Variants in EXOC6B observed in about 807,000 individuals in gnomAD.
EXOC6B encodes exocyst complex component 6B.
In EXOC6B, 54 loss-of-function variants were observed where a neutral mutation model predicts 113.5. The observed-to-expected ratio is 0.48, with a 90% CI of 0.38 to 0.60. The LOEUF (loss-of-function observed/expected upper bound fraction) is 0.60, where lower values mean the gene tolerates loss of function less well. EXOC6B is among the 20% of genes least tolerant of loss of function. EXOC6B has a pLI of 0.00. For missense variants in EXOC6B, 797 were observed against 977.5 expected (o/e 0.82, Z 2.46); for synonymous variants, 357 against 339.0 (o/e 1.05, Z -0.58).
chr2:72,295,819 T>C (rs369423748), intron 20 of EXOC6B, among the ~76,000 whole-genome samples: 11 of 152,216 alleles, frequency 7.2e-5, no homozygotes, highest in Non-Finnish European at 1.6e-4. Flanking sequence ...ATATTTATTT[T>C]ATAACAGATT....
chr2:72,313,526 T>TA (rs1281890917), intron 20 of EXOC6B, among the ~76,000 whole-genome samples: 15 of 152,278 alleles, frequency 9.9e-5, no homozygotes, highest in African/African-American at 3.6e-4. Context: ...ATAAGAGATT[T>TA]TAGAAGGGTG....
intron 6 of EXOC6B, among the ~76,000 whole-genome samples, chr2:72,666,660 A>G (rs78952491): frequency 2.6e-5 from 4 of 152,172 alleles, no homozygotes; most frequent in African/African-American, 9.7e-5. Context: ...CCTGGAAGTG[A>G]TAAAGGACTT....
intron 20 of EXOC6B, among the ~76,000 whole-genome samples, chr2:72,295,744 T>C (rs769108143): frequency 6.6e-6 from 1 of 152,206 alleles, no homozygotes; most frequent in Non-Finnish European, 1.5e-5. Context: ...TGCTGAGTTC[T>C]TGAAGCATCT....
chr2:72,683,042 T>A (rs1014152969), intron 6 of EXOC6B, among the ~76,000 whole-genome samples: 1 of 152,234 alleles, frequency 6.6e-6, no homozygotes, highest in African/African-American at 2.4e-5. Flanking sequence ...ACAATCTTGT[T>A]ACCCAGGTAC....
chr2:72,187,279 G>A (rs1030593262), intron 20 of EXOC6B, among the ~76,000 whole-genome samples: 5 of 151,984 alleles, frequency 3.3e-5, no homozygotes, highest in African/African-American at 1.2e-4. Flanking sequence ...GCTCTACAAA[G>A]GGCTGCAGCT....
rs902961125 is a variant in EXOC6B, at chr2:72,720,147, A to G, written c.465-1840T>C. ...ACAACCTCTAAAAAACCAAAAATAT[A>G]TATCATTTGAAAATCAACAAAAGAA... On this transcript the variant is annotated intron_variant, in intron 5 of 21. Transcript: ENST00000272427. Among the ~76,000 whole-genome samples, 6 of 152,168 alleles carry G rather than the reference A, an allele frequency of 3.9e-5. No homozygotes were observed. The South Asian group carries it at 6.2e-4, about 16-fold the overall frequency.
At chr2:72,247,973 G>A (rs1057288249) in intron 20 of EXOC6B, among the ~76,000 whole-genome samples, 56 of 152,252 alleles carry the variant, frequency 3.7e-4, no homozygotes, top group African/African-American at 1.2e-3. Flanking sequence ...TAGACTAGCT[G>A]TCCCTGAGGA....
At chr2:72,508,148 A>G (rs1307875178) in intron 11 of EXOC6B, among the ~76,000 whole-genome samples, 1 of 130,282 alleles carries the variant, frequency 7.7e-6, no homozygotes, top group African/African-American at 3.0e-5. Flanking sequence ...AAAACCTTCC[A>G]CAAAATATTA....
intron 6 of EXOC6B, among the ~76,000 whole-genome samples, chr2:72,658,733 CA>C (rs1442698260): frequency 6.6e-6 from 1 of 152,012 alleles, no homozygotes; most frequent in Admixed American, 6.6e-5. Context: ...TCATTTTTCA[CA>C]AATATAGTTT....
chr2:72,718,434 G>A lies in EXOC6B; in HGVS notation c.465-127C>T, dbSNP rs754814532. ...GCATGAAGTTTTAATGAGAACATCA[G>A]TGAAAAGAATCTCAAATTATTAAAA... On this transcript the variant is annotated intron_variant, in intron 5 of 21. Coordinates refer to ENST00000272427, the MANE Select transcript of EXOC6B (RefSeq NM_015189.3). 1.8e-4 allele frequency: 96 copies of A among 548,214 alleles called. 1 individual carries two copies. The highest frequency in any genetic ancestry group is 2.8e-4 in the Non-Finnish European group (89 of 319,648). 34.0% of individuals were successfully genotyped at this position (548,214 alleles called of 1,614,324 possible). A position where few individuals can be genotyped will look rare whatever the true frequency, so the allele number is the denominator to read the frequency against.
intron 1 of EXOC6B, among the ~76,000 whole-genome samples, chr2:72,798,814 C>G (rs1685119636): frequency 2.0e-5 from 3 of 151,668 alleles, no homozygotes; most frequent in Admixed American, 2.0e-4. Context: ...CACTAATAAC[C>G]CAGTAAAATA....
At chr2:72,332,549 C>G (rs575438229) in intron 20 of EXOC6B, among the ~76,000 whole-genome samples, 1 of 152,136 alleles carries the variant, frequency 6.6e-6, no homozygotes, top group Admixed American at 6.6e-5. Context: ...TTAAGTGAGA[C>G]AGATTTTAGC....
chr2:72,486,691 T>A (rs1699439831), intron 16 of EXOC6B, among the ~76,000 whole-genome samples: 1 of 152,170 alleles, frequency 6.6e-6, no homozygotes, highest in East Asian at 1.9e-4. Flanking sequence ...TTACCAGAGG[T>A]GAACTTGACA....
At chr2:72,575,969 CA>C (rs1275316008) in intron 6 of EXOC6B, among the ~76,000 whole-genome samples, 1 of 152,008 alleles carries the variant, frequency 6.6e-6, no homozygotes, top group Non-Finnish European at 1.5e-5. Flanking sequence ...TAAGGCTTTT[CA>C]AAAATATCCA....
At chr2:72,183,984 A>T in intron 21 of EXOC6B, 91 bp downstream of exon 21, 1 of 669,258 alleles carries the variant, frequency 1.5e-6, no homozygotes, top group South Asian at 2.0e-5. Context: ...CTATCTTTCA[A>T]GGTATTGGCA....
rs189279676 is a variant in EXOC6B, at chr2:72,787,123, C to T, written c.113+38675G>A. ...ATATATTGTTGGAAAGTGATTCCAT[C>T]AACTGGTACCAAGTATGAATTCATC... On this transcript the variant is annotated intron_variant, in intron 1 of 21. Transcript: ENST00000272427. 2.6e-5 allele frequency among the ~76,000 whole-genome samples: 4 copies of T among 152,286 alleles called. No individual in the cohort carries two copies. In the East Asian group the frequency reaches 7.7e-4, roughly 29 times the overall value.
intron 18 of EXOC6B, among the ~76,000 whole-genome samples, chr2:72,416,526 A>G (rs1394336862): frequency 6.6e-6 from 1 of 152,210 alleles, no homozygotes; most frequent in Non-Finnish European, 1.5e-5. Flanking sequence ...GCAGCCACTT[A>G]ACTATGTAAA....
chr2:72,667,347 T>C (rs1675466836), intron 6 of EXOC6B, among the ~76,000 whole-genome samples: 1 of 152,182 alleles, frequency 6.6e-6, no homozygotes, highest in South Asian at 2.1e-4. Flanking sequence ...ACTACTAACA[T>C]CATTTTTCAA....
At chr2:72,340,298 A>C (rs1237087609) in intron 19 of EXOC6B, among the ~76,000 whole-genome samples, 1 of 152,196 alleles carries the variant, frequency 6.6e-6, no homozygotes, top group Non-Finnish European at 1.5e-5. Context: ...TATCAAAAGA[A>C]GTCTGTGAGA....
Sources: gnomAD v4.1 joint callset for allele counts (sites outside exome capture counted in the v4.1 genomes callset) on GRCh38, gnomAD v4.1.1 for gene constraint, MANE v1.5 for transcripts, NCBI Gene and HGNC (gene_info 2026-07-23, HGNC 2026-07-21) for gene names.